Variants in LHFPL3 observed in about 807,000 individuals in gnomAD.
The protein encoded by LHFPL3 is LHFPL tetraspan subfamily member 3 protein.
LHFPL3 carries 5 observed loss-of-function variants against 19.3 expected under a neutral mutation model. The observed-to-expected ratio is 0.26, with a 90% CI of 0.14 to 0.54. The LOEUF is 0.54. LHFPL3 is among the 20% of genes least tolerant of loss of function. The pLI is 0.94. For missense variants in LHFPL3, 249 were observed against 307.4 expected, an observed-to-expected ratio of 0.81 and a Z score of 1.42; for synonymous variants, 133 against 126.2, an observed-to-expected ratio of 1.05 and a Z score of -0.36.
chr7:104,759,905 G>A (rs1242038880), intron 2 of LHFPL3: 1 of 152,256 alleles, frequency 6.6e-6, no homozygotes, highest in Non-Finnish European at 1.5e-5. Context: ...AGGTCACGCA[G>A]TGAGTGATAG....
intron 1 of LHFPL3, among the ~76,000 whole-genome samples, chr7:104,356,627 G>A (rs972618755): frequency 6.6e-6 from 1 of 152,094 alleles, no homozygotes; most frequent in Non-Finnish European, 1.5e-5. Context: ...GACTGAAGAT[G>A]GACTCTCTGA....
At chr7:104,384,401 G>A (rs144869664) in intron 1 of LHFPL3, among the ~76,000 whole-genome samples, 134 of 152,226 alleles carry the variant, frequency 8.8e-4, no homozygotes, top group African/African-American at 3.0e-3. Flanking sequence ...AGAAATGGCA[G>A]CAAAACCAAG....
At chr7:104,395,970 C>T (rs999892261) in intron 1 of LHFPL3, among the ~76,000 whole-genome samples, 1 of 152,082 alleles carries the variant, frequency 6.6e-6, no homozygotes, top group East Asian at 1.9e-4. Flanking sequence ...AGGGAAATCT[C>T]GGGTCATCTC....
intron 1 of LHFPL3, among the ~76,000 whole-genome samples, chr7:104,662,414 CTAT>C (rs1792242332): frequency 6.6e-6 from 1 of 152,142 alleles, no homozygotes. Context: ...TATGCAAGTG[CTAT>C]TATTATTAAT....
At chr7:104,588,626 T>C (rs1172242413) in intron 1 of LHFPL3, among the ~76,000 whole-genome samples, 1 of 152,222 alleles carries the variant, frequency 6.6e-6, no homozygotes, top group Non-Finnish European at 1.5e-5. Flanking sequence ...ATATGAACTT[T>C]AAAGTAGTTT....
At chr7:104,498,318 G>A (rs1793527973) in intron 1 of LHFPL3, among the ~76,000 whole-genome samples, 2 of 152,126 alleles carry the variant, frequency 1.3e-5, no homozygotes, top group South Asian at 2.1e-4. Context: ...GGACCCATGA[G>A]TTCTATCAAA....
chr7:104,563,995 A>G (rs1790070710), intron 1 of LHFPL3, among the ~76,000 whole-genome samples: 1 of 152,196 alleles, frequency 6.6e-6, no homozygotes. Context: ...AATAGCTACC[A>G]TTTATTGGGT....
At position 104,329,482 on chromosome 7, in the gene LHFPL3, G is replaced by T. The variant is rs192953555; in HGVS notation, c.445+258G>T. Among the ~76,000 whole-genome samples the T allele has an allele frequency of 5.9e-5, 9 of 152,378 alleles. No individual in the cohort carries two copies. In the East Asian group the frequency reaches 1.7e-3, roughly 29 times the overall value. On this transcript the variant is annotated intron_variant, in intron 1 of 2. Transcript: ENST00000424859. ...GGACGCCCACTCAGAGGGACGCCCCGGAGGCAGGGCGGTTGTGGGGCCGAG... is the reference window on the plus strand; with the variant it reads ...GGACGCCCACTCAGAGGGACGCCCCTGAGGCAGGGCGGTTGTGGGGCCGAG...
chr7:104,432,522 G>A (rs931363844), intron 1 of LHFPL3, among the ~76,000 whole-genome samples: 2 of 152,104 alleles, frequency 1.3e-5, no homozygotes, highest in African/African-American at 4.8e-5. Flanking sequence ...CTCTGGAGAT[G>A]ATCTCATCTC....
intron 2 of LHFPL3, among the ~76,000 whole-genome samples, chr7:104,764,589 T>A (rs1394145714): frequency 6.6e-6 from 1 of 152,138 alleles, no homozygotes; most frequent in Non-Finnish European, 1.5e-5. Flanking sequence ...AAAAACCCTA[T>A]GATTTTTTTA....
intron 2 of LHFPL3, among the ~76,000 whole-genome samples, chr7:104,782,957 C>T (rs140513734): frequency 0.014 from 2,178 of 152,380 alleles, 21 homozygotes; most frequent in Non-Finnish European, 0.022. Context: ...CGCACACACA[C>T]ACATGCACAC....
At chr7:104,849,930 G>A (rs1211168134) in intron 2 of LHFPL3, among the ~76,000 whole-genome samples, 1 of 152,156 alleles carries the variant, frequency 6.6e-6, no homozygotes, top group Non-Finnish European at 1.5e-5. Flanking sequence ...GTTATGGCTG[G>A]CTTTGGAAAA....
intron 1 of LHFPL3, among the ~76,000 whole-genome samples, chr7:104,676,532 T>C (rs1002336030): frequency 6.6e-6 from 1 of 152,242 alleles, no homozygotes; most frequent in Non-Finnish European, 1.5e-5. Flanking sequence ...GTGTTTATGA[T>C]GCATGTATTC....
chr7:104,833,040 T>TATTATATATAATAGAA (rs1293049340), intron 2 of LHFPL3, among the ~76,000 whole-genome samples: 1 of 3,612 alleles, frequency 2.8e-4, no homozygotes. Flanking sequence ...ATTATATATA[T>TATTATATATAATAGAA]ATATTATATA....
At chr7:104,541,961 A>G (rs1237338692) in intron 1 of LHFPL3, among the ~76,000 whole-genome samples, 1 of 152,052 alleles carries the variant, frequency 6.6e-6, no homozygotes, top group African/African-American at 2.4e-5. Flanking sequence ...ATGTGGAAAG[A>G]TAGGAGGAAA....
At chr7:104,621,603 C>T (rs1047671637) in intron 1 of LHFPL3, among the ~76,000 whole-genome samples, 8 of 152,304 alleles carry the variant, frequency 5.3e-5, no homozygotes, top group Admixed American at 1.3e-4. Context: ...GTTGACAGAT[C>T]GCTTAATCAT....
At chr7:104,832,051 A>G (rs1196556523) in intron 2 of LHFPL3, among the ~76,000 whole-genome samples, 1 of 151,898 alleles carries the variant, frequency 6.6e-6, no homozygotes, top group Non-Finnish European at 1.5e-5. Flanking sequence ...TTCTTCTTCT[A>G]TTTTCCTGTC....
intron 1 of LHFPL3, among the ~76,000 whole-genome samples, chr7:104,566,063 C>G (rs908222222): frequency 6.6e-6 from 1 of 152,118 alleles, no homozygotes; most frequent in Non-Finnish European, 1.5e-5. Context: ...CTCACCTTCT[C>G]ATGGCTGGGC....
chr7:104,510,334 T>C (rs1026255747), intron 1 of LHFPL3, among the ~76,000 whole-genome samples: 8 of 152,134 alleles, frequency 5.3e-5, no homozygotes, highest in African/African-American at 1.9e-4. Context: ...TCAAGAATTA[T>C]TTTCTAGCTA....
Sources: allele counts gnomAD v4.1 joint callset (sites outside exome capture counted in the v4.1 genomes callset), GRCh38; gene constraint gnomAD v4.1.1; transcripts MANE v1.5; gene names NCBI Gene and HGNC (gene_info 2026-07-23, HGNC 2026-07-21).